The following KIT variants were observed in gnomAD, a reference collection of about 807,000 sequenced individuals.
KIT encodes the protein KIT proto-oncogene, receptor tyrosine kinase.
KIT carries 16 observed loss-of-function variants against 105.7 expected under a neutral mutation model. The observed-to-expected ratio is 0.15, with a 90% CI of 0.10 to 0.23. KIT has a LOEUF of 0.23. Among genes scored for constraint, KIT ranks in the 10% least tolerant of loss-of-function variants. KIT has a pLI of 1.00. For missense variants in KIT, 858 were observed against 1,213.8 expected, an observed-to-expected ratio of 0.71 and a Z score of 4.36; for synonymous variants, 438 against 441.1, an observed-to-expected ratio of 0.99 and a Z score of 0.09.
At position 54,688,594 on chromosome 4, in the gene KIT, C is replaced by G. The variant is rs889474282; in HGVS notation, c.68-6918C>G. 5.9e-5 allele frequency among the ~76,000 whole-genome samples: 9 copies of G among 152,216 alleles called. No individual in the cohort carries two copies. In the East Asian group the frequency reaches 7.7e-4, roughly 13 times the overall value. On this transcript the variant is annotated intron_variant, in intron 1 of 20. Transcript: ENST00000288135. ...GTGAAGGATAGAAAGACCTTGCAGT[C>G]ATGGTTGACCTGGGCCAGCCACTGC... is the stretch of plus-strand genomic sequence containing the variant.
chr4:54,680,052 G>A (rs1166738941), intron 1 of KIT, among the ~76,000 whole-genome samples: 1 of 152,180 alleles, frequency 6.6e-6, no homozygotes, highest in Non-Finnish European at 1.5e-5. Flanking sequence ...TTCTGTTTGG[G>A]ATGATGAAAA....
intron 5 of KIT, among the ~76,000 whole-genome samples, chr4:54,706,008 C>CT (rs1260609246): frequency 1.3e-5 from 2 of 152,112 alleles, no homozygotes; most frequent in Non-Finnish European, 2.9e-5. Flanking sequence ...TTAGCAATTA[C>CT]TTTATTGCTC....
chr4:54,686,698 C>T (rs995335329), intron 1 of KIT, among the ~76,000 whole-genome samples: 1 of 152,152 alleles, frequency 6.6e-6, no homozygotes, highest in African/African-American at 2.4e-5. Context: ...GAGCGTGCCA[C>T]CACACCCAGC....
At chr4:54,706,610 CTTTGA>C (rs1262383709) in intron 5 of KIT, among the ~76,000 whole-genome samples, 1 of 152,014 alleles carries the variant, frequency 6.6e-6, no homozygotes, top group East Asian at 1.9e-4. Context: ...TTAAAATGCT[CTTTGA>C]TTTATCTGTG....
intron 1 of KIT, among the ~76,000 whole-genome samples, chr4:54,691,196 C>G (rs1258968196): frequency 1.3e-5 from 2 of 151,962 alleles, no homozygotes; most frequent in Non-Finnish European, 2.9e-5. Context: ...GGAGCCTGTC[C>G]TGTCTTTATT....
rs146997366 is a variant in KIT, at chr4:54,698,937, A to G, written c.619+372A>G. The stretch of plus-strand genomic sequence containing the variant: ...CAGATGATTCATTCTTTGATTTACT[A>G]TTGACATATGAATTGACTTTCCCTT... On this transcript the variant is annotated intron_variant, in intron 3 of 20. Coordinates refer to ENST00000288135, the MANE Select transcript of KIT (RefSeq NM_000222.3). Among the ~76,000 whole-genome samples, 10 of 152,354 alleles carry G rather than the reference A, an allele frequency of 6.6e-5. No individual in the cohort carries two copies. The East Asian group carries it at 1.4e-3, about 21-fold the overall frequency.
rs1722630665 is a variant in KIT, at chr4:54,732,005, G to A, written c.2361+7G>A. The stretch of plus-strand genomic sequence containing the variant: ...TTTCCTCGCCTCCAAGAATGTAAGT[G>A]GGAGTGATTCTCTAAAGAGTTTTGT... On this transcript the variant is annotated splice_region_variant and intron_variant, in intron 16 of 20. Transcript: ENST00000288135. 1 of 1,612,146 alleles carries A rather than the reference G, an allele frequency of 6.2e-7. No homozygotes were observed. The highest frequency in any genetic ancestry group is 1.3e-5 in the African/African-American group (1 of 74,554).
chr4:54,683,386 C>T (rs1719086139), intron 1 of KIT, among the ~76,000 whole-genome samples: 1 of 152,044 alleles, frequency 6.6e-6, no homozygotes, highest in African/African-American at 2.4e-5. Context: ...CCTGTAATTC[C>T]AGCACTTAGG....
intron 16 of KIT, among the ~76,000 whole-genome samples, chr4:54,732,387 G>A (rs1326808747): frequency 2.0e-5 from 3 of 152,246 alleles, no homozygotes; most frequent in Non-Finnish European, 4.4e-5. Flanking sequence ...ATAGACTTGA[G>A]TTTTATTGAA....
At chr4:54,681,931 C>T (rs563789157) in intron 1 of KIT, among the ~76,000 whole-genome samples, 38 of 151,852 alleles carry the variant, frequency 2.5e-4, no homozygotes, top group African/African-American at 8.2e-4. Context: ...GAGCCGAGAT[C>T]GTGCCACTTC....
chr4:54,700,450 TA>T, intron 4 of KIT, among the ~76,000 whole-genome samples: 1 of 152,356 alleles, frequency 6.6e-6, no homozygotes, highest in East Asian at 1.9e-4. Context: ...ATATCTTAAA[TA>T]AATTTTAGCT....
chr4:54,699,856 C>T (rs770254096), intron 4 of KIT, 90 bp downstream of exon 4: 20 of 1,386,120 alleles, frequency 1.4e-5, no homozygotes, highest in Non-Finnish European at 2.0e-5. Flanking sequence ...GAAACTGCCT[C>T]GACTAGTGCG....
At position 54,727,233 on chromosome 4, in the gene KIT, A is replaced by G. The variant is rs1462946038; in HGVS notation, c.1556A>G (p.His519Arg). The change falls in exon 10 of 21, where the codon CAC becomes CGC. Residue 519 changes from histidine (H) to arginine (R), a missense_variant. His to Arg is a conservative substitution (Grantham distance 29, BLOSUM62 0). This residue lies in a region of KIT where 78 missense variants were observed against 77.6 expected (regional missense o/e 1.01). Transcript: ENST00000288135. The part of the protein sequence containing the change: ...KGNNKEQIHP[H>R]TLFTPLLIGF... ...TCCATTGTAGAGCAAATCCATCCCC[A>G]CACCCTGTTCACTCCTTTGCTGATT... 1 of 1,614,046 alleles carries G rather than the reference A, an allele frequency of 6.2e-7. No homozygotes were observed. Among genetic ancestry groups the G allele is most frequent in the Admixed American group, 1.7e-5 (1 of 60,016 alleles).
intron 1 of KIT, among the ~76,000 whole-genome samples, chr4:54,668,105 A>G (rs1260281521): frequency 6.6e-6 from 1 of 152,218 alleles, no homozygotes; most frequent in African/African-American, 2.4e-5. Context: ...GCAAACCTTG[A>G]TAAGGAGCCT....
At chr4:54,715,505 G>T (rs534671942) in intron 7 of KIT, among the ~76,000 whole-genome samples, 1 of 152,110 alleles carries the variant, frequency 6.6e-6, no homozygotes, top group Non-Finnish European at 1.5e-5. Context: ...TGGTGGAAGC[G>T]GAAGGGGAAC....
At position 54,712,917 on chromosome 4, in the gene KIT, G is replaced by C. The variant is rs1323071986; in HGVS notation, c.1231+3378G>C. Among the ~76,000 whole-genome samples, 3 of 152,080 alleles carry C rather than the reference G, an allele frequency of 2.0e-5. No individual in the cohort carries two copies. In the East Asian group the frequency reaches 5.8e-4, roughly 29 times the overall value. On this transcript the variant is annotated intron_variant, in intron 7 of 20. Coordinates refer to ENST00000288135, the MANE Select transcript of KIT (RefSeq NM_000222.3). The stretch of plus-strand genomic sequence containing the variant: ...TTGTTACAAATAACAAACTGACAGA[G>C]GCATTTATTTCACTTACCTAACACG...
intron 7 of KIT, among the ~76,000 whole-genome samples, chr4:54,721,731 GA>G (rs1560412944): frequency 6.6e-6 from 1 of 152,136 alleles, no homozygotes; most frequent in Non-Finnish European, 1.5e-5. Flanking sequence ...TTCCTTTGGG[GA>G]AATAAACTTC....
At chr4:54,731,774 C>A (rs1722609985) in intron 15 of KIT, 97 bp from the exon 16 acceptor site, 5 of 1,268,404 alleles carry the variant, frequency 3.9e-6, no homozygotes, top group Admixed American at 3.4e-5. Context: ...CACATTAGTT[C>A]ATTCATTACC....
intron 5 of KIT, among the ~76,000 whole-genome samples, chr4:54,706,054 C>T (rs541198472): frequency 6.6e-6 from 1 of 151,862 alleles, no homozygotes; most frequent in Admixed American, 6.6e-5. Flanking sequence ...ATTATATCAC[C>T]TTTTCTAAGG....
Sources: gnomAD v4.1 joint callset for allele counts (sites outside exome capture counted in the v4.1 genomes callset) on GRCh38, gnomAD v4.1.1 for gene constraint, gnomAD v4.1.1 regional missense constraint, MANE v1.5 for transcripts, NCBI Gene and HGNC (gene_info 2026-07-23, HGNC 2026-07-21) for gene names.